The following ZCCHC7 variants were observed in gnomAD, a reference collection of about 807,000 sequenced individuals.
The protein encoded by ZCCHC7 is zinc finger CCHC domain-containing protein 7.
Under a neutral mutation model 52.0 loss-of-function variants are expected in ZCCHC7, and 35 were observed. That is an observed-to-expected ratio of 0.67 (90% CI 0.51 to 0.89). The LOEUF (loss-of-function observed/expected upper bound fraction) is 0.89. Ranked by LOEUF, ZCCHC7 falls within the 40% of genes least tolerant of loss-of-function variation. The pLI is 0.00. For synonymous variants in ZCCHC7, 217 were observed against 221.5 expected, an observed-to-expected ratio of 0.98 and a Z score of 0.18; for missense variants, 574 against 649.1, an observed-to-expected ratio of 0.88 and a Z score of 1.26.
At chr9:37,278,361 T>C (rs1022178484) in intron 2 of ZCCHC7, among the ~76,000 whole-genome samples, 3 of 152,006 alleles carry the variant, frequency 2.0e-5, no homozygotes, top group Admixed American at 6.6e-5. Flanking sequence ...AACTGAAAAA[T>C]GTAATATCTG....
intron 2 of ZCCHC7, among the ~76,000 whole-genome samples, chr9:37,237,077 T>C (rs757212491): frequency 1.3e-5 from 2 of 152,268 alleles, no homozygotes; most frequent in Non-Finnish European, 2.9e-5. Flanking sequence ...TCTAATTGCC[T>C]TTGAAACCAG....
intron 2 of ZCCHC7, among the ~76,000 whole-genome samples, chr9:37,278,039 TTG>T (rs1246509237): frequency 1.1e-5 from 1 of 92,718 alleles, no homozygotes; most frequent in East Asian, 2.5e-4. Context: ...TGTGTGTGTT[TTG>T]TTTTGTTTTG....
At chr9:37,316,631 C>CT (rs1829836066) in intron 5 of ZCCHC7, among the ~76,000 whole-genome samples, 1 of 152,074 alleles carries the variant, frequency 6.6e-6, no homozygotes, top group South Asian at 2.1e-4. Context: ...AGCCAAGAAC[C>CT]TTATTCTTAT....
chr9:37,125,217 A>C (rs764676750), intron 1 of ZCCHC7, among the ~76,000 whole-genome samples: 1 of 152,132 alleles, frequency 6.6e-6, no homozygotes, highest in Non-Finnish European at 1.5e-5. Flanking sequence ...TGGTATGAGC[A>C]TAGCTCACTG....
chr9:37,303,723 G>T (rs1306520883), intron 3 of ZCCHC7, among the ~76,000 whole-genome samples: 2 of 133,716 alleles, frequency 1.5e-5, no homozygotes, highest in African/African-American at 5.8e-5. Context: ...GAGTACAATG[G>T]CACAATCTCG....
intron 2 of ZCCHC7, among the ~76,000 whole-genome samples, chr9:37,250,618 CACTT>C (rs928772467): frequency 6.6e-5 from 10 of 152,122 alleles, no homozygotes; most frequent in African/African-American, 2.4e-4. Context: ...CTCTCTCTCT[CACTT>C]GACTTTTCTA....
At chr9:37,263,112 T>G (rs1054408558) in intron 2 of ZCCHC7, among the ~76,000 whole-genome samples, 1 of 152,210 alleles carries the variant, frequency 6.6e-6, no homozygotes, top group Non-Finnish European at 1.5e-5. Context: ...AAACCAGTGC[T>G]TATGTTTTTA....
Position 37,305,583 on chromosome 9 carries a change from C to A in ZCCHC7, c.820C>A (p.Leu274Ile). 1 of 1,614,114 alleles carries A rather than the reference C, an allele frequency of 6.2e-7. No homozygotes were observed. ...CTTCCTGTGCTCCAGGAGAGGACAT[C>A]TCCTGTATTCCTGTCCAGCCCCCCT... The part of the protein sequence containing the change: ...RCFLCSRRGH[L>I]LYSCPAPLCE... The change falls in exon 5 of 9, where the codon CTC (leucine) becomes ATC (isoleucine). Residue 274 changes from leucine (L) to isoleucine (I), a missense_variant. By Grantham distance (5) the Leu-to-Ile change is conservative. Around this residue, in one of 3 missense-constraint regions of ZCCHC7, gnomAD observed 403 missense variants for 461.2 expected, o/e 0.87. Coordinates refer to ENST00000336755, the MANE Select transcript of ZCCHC7 (RefSeq NM_032226.3).
chr9:37,123,682 C>T (rs1429285373), intron 1 of ZCCHC7, among the ~76,000 whole-genome samples: 1 of 152,070 alleles, frequency 6.6e-6, no homozygotes, highest in Admixed American at 6.5e-5. Flanking sequence ...TATGTTTTGT[C>T]TTAAGTCCAC....
At chr9:37,203,827 A>T (rs1488963968) in intron 2 of ZCCHC7, among the ~76,000 whole-genome samples, 1 of 152,192 alleles carries the variant, frequency 6.6e-6, no homozygotes, top group Non-Finnish European at 1.5e-5. Context: ...ATACCGAGTA[A>T]TGGAATTGCT....
At position 37,138,670 on chromosome 9, in the gene ZCCHC7, A is replaced by T. The variant is rs1055629713; in HGVS notation, c.610+11728A>T. Among the ~76,000 whole-genome samples the T allele has an allele frequency of 2.6e-5, 4 of 152,012 alleles. No homozygotes were observed. The East Asian group carries it at 7.7e-4, about 29-fold the overall frequency. On this transcript the variant is annotated intron_variant, in intron 2 of 8. Transcript: ENST00000336755. The stretch of plus-strand genomic sequence containing the variant: ...AATGACTTAGTTTAGTTGCCATTAA[A>T]ATGTCACTCACCTTATCTACAGGTT...
intron 2 of ZCCHC7, among the ~76,000 whole-genome samples, chr9:37,262,069 AAGC>A (rs775618341): frequency 7.6e-4 from 115 of 152,274 alleles, no homozygotes; most frequent in Middle Eastern, 3.4e-3. Context: ...GATGATAACA[AAGC>A]AGCTCCATTG....
chr9:37,138,918 C>T (rs17408274), intron 2 of ZCCHC7, among the ~76,000 whole-genome samples: 12,932 of 151,630 alleles, frequency 0.085, 756 homozygotes, highest in Middle Eastern at 0.16. Flanking sequence ...TTTTTATGGT[C>T]AGAAAGTAAA....
chr9:37,178,528 A>G (rs2133034801), intron 2 of ZCCHC7, among the ~76,000 whole-genome samples: 1 of 152,182 alleles, frequency 6.6e-6, no homozygotes, highest in East Asian at 1.9e-4. Flanking sequence ...GAAAACTCAC[A>G]ATGGTTGGCA....
At position 37,186,766 on chromosome 9, in the gene ZCCHC7, A is replaced by T. The variant is rs1376445281; in HGVS notation, c.610+59824A>T. ...AGATGAATTAAAGATGGAATGATTC[A>T]TTTCTATGGTTAGGTTTTAATTAAT... On this transcript the variant is annotated intron_variant, in intron 2 of 8. Coordinates refer to ENST00000336755, the MANE Select transcript of ZCCHC7 (RefSeq NM_032226.3). 5.5e-6 allele frequency: 3 copies of T among 545,682 alleles called. No individual in the cohort carries two copies. In the Admixed American group the frequency reaches 9.4e-5, roughly 17 times the overall value. 33.8% of individuals were successfully genotyped at this position (545,682 alleles called of 1,614,324 possible). A position where few individuals can be genotyped will look rare whatever the true frequency, so the allele number is the denominator to read the frequency against.
At chr9:37,322,712 A>G (rs557329068) in intron 5 of ZCCHC7, among the ~76,000 whole-genome samples, 1 of 150,396 alleles carries the variant, frequency 6.6e-6, no homozygotes, top group Non-Finnish European at 1.5e-5. Flanking sequence ...GTGGCCACAA[A>G]CAGCTGTAGT....
intron 2 of ZCCHC7, among the ~76,000 whole-genome samples, chr9:37,128,385 G>C (rs989456941): frequency 6.6e-6 from 1 of 152,162 alleles, no homozygotes; most frequent in Admixed American, 6.5e-5. Flanking sequence ...GGGATAATTG[G>C]AAGCTTAGAA....
intron 2 of ZCCHC7, among the ~76,000 whole-genome samples, chr9:37,156,777 A>T (rs1447927082): frequency 1.3e-5 from 2 of 152,174 alleles, no homozygotes; most frequent in African/African-American, 4.8e-5. Flanking sequence ...TGCATTTGTT[A>T]AAATAGTAAT....
intron 2 of ZCCHC7, among the ~76,000 whole-genome samples, chr9:37,280,179 A>G (rs996658033): frequency 2.0e-5 from 3 of 152,184 alleles, no homozygotes; most frequent in Non-Finnish European, 4.4e-5. Context: ...TAAAAGGGTC[A>G]AGTAAACAAC....
Sources: allele counts gnomAD v4.1 joint callset (sites outside exome capture counted in the v4.1 genomes callset), GRCh38; gene constraint gnomAD v4.1.1; regional missense constraint gnomAD v4.1.1; transcripts MANE v1.5; gene names NCBI Gene and HGNC (gene_info 2026-07-23, HGNC 2026-07-21).